Variants in PTPRD observed in about 807,000 individuals in gnomAD.
PTPRD encodes the protein receptor-type tyrosine-protein phosphatase delta.
In PTPRD, 34 loss-of-function variants were observed where a neutral mutation model predicts 214.5. The observed-to-expected ratio is 0.16, with a 90% CI of 0.12 to 0.21. The LOEUF is 0.21. PTPRD is among the 10% of genes least tolerant of loss of function. The pLI is 1.00. For synonymous variants in PTPRD, 1,128 were observed against 845.7 expected (o/e 1.33, Z -5.79); for missense variants, 2,545 against 2,398.7 (o/e 1.06, Z -1.27).
intron 3 of PTPRD, among the ~76,000 whole-genome samples, chr9:10,125,668 G>C (rs1296929276): frequency 1.4e-5 from 2 of 145,558 alleles, no homozygotes; most frequent in African/African-American, 5.0e-5. Context: ...ATTTTTAGTA[G>C]AGACGGGGTT....
At chr9:9,759,640 C>A (rs1292579255) in intron 6 of PTPRD, among the ~76,000 whole-genome samples, 1 of 148,408 alleles carries the variant, frequency 6.7e-6, no homozygotes, top group Non-Finnish European at 1.5e-5. Context: ...TCACTGCAAC[C>A]TCTACCTCCC....
rs73427536 is a variant in PTPRD, at chr9:8,703,668, G to T, written c.64+30112C>A. 1.9e-3 allele frequency among the ~76,000 whole-genome samples: 296 copies of T among 152,136 alleles called. 1 individual carries two copies. The highest frequency in any genetic ancestry group is 6.8e-3 in the African/African-American group (283 of 41,500). On this transcript the variant is annotated intron_variant, in intron 12 of 45. Coordinates refer to ENST00000381196, the MANE Select transcript of PTPRD (RefSeq NM_002839.4). ...TATTAACTGGGGAACCCAAAGCTTG[G>T]GTCTTGAACCCTACGGCATTGTTAT... is the stretch of plus-strand genomic sequence containing the variant.
At chr9:9,637,958 G>T (rs1469857020) in intron 7 of PTPRD, among the ~76,000 whole-genome samples, 3 of 152,128 alleles carry the variant, frequency 2.0e-5, no homozygotes, top group African/African-American at 7.2e-5. Flanking sequence ...CATCACCAAG[G>T]TTACAGCTCA....
At chr9:8,808,908 C>A (rs2096743653) in intron 11 of PTPRD, among the ~76,000 whole-genome samples, 1 of 152,126 alleles carries the variant, frequency 6.6e-6, no homozygotes, top group Admixed American at 6.5e-5. Context: ...GAAGCATGAA[C>A]AGTGTTTACA....
At chr9:9,997,073 C>A (rs916876394) in intron 4 of PTPRD, among the ~76,000 whole-genome samples, 1 of 152,036 alleles carries the variant, frequency 6.6e-6, no homozygotes, top group African/African-American at 2.4e-5. Context: ...AATCCAAGAC[C>A]TAAAGAAAAC....
At chr9:10,601,205 AGTAAG>A (rs2077878709) in intron 2 of PTPRD, among the ~76,000 whole-genome samples, 1 of 151,654 alleles carries the variant, frequency 6.6e-6, no homozygotes, top group Non-Finnish European at 1.5e-5. Context: ...GAATAGAGTA[AGTAAG>A]GTAGAGTCAG....
intron 10 of PTPRD, among the ~76,000 whole-genome samples, chr9:9,077,476 C>T (rs1284770966): frequency 6.6e-6 from 1 of 151,918 alleles, no homozygotes; most frequent in Non-Finnish European, 1.5e-5. Context: ...TAAACAAAGT[C>T]AATATAAGAT....
At chr9:8,775,073 G>C (rs1303956282) in intron 11 of PTPRD, among the ~76,000 whole-genome samples, 2 of 152,104 alleles carry the variant, frequency 1.3e-5, no homozygotes, top group Non-Finnish European at 2.9e-5. Flanking sequence ...TATGTCCAGT[G>C]ATGCCTTAAG....
At chr9:9,361,871 ACTT>A (rs1023779624) in intron 9 of PTPRD, among the ~76,000 whole-genome samples, 3 of 151,014 alleles carry the variant, frequency 2.0e-5, no homozygotes, top group African/African-American at 7.3e-5. Context: ...GAATGAGAAA[ACTT>A]CTAGAAATGG....
At chr9:8,380,118 T>G (rs1487287841) in intron 37 of PTPRD, among the ~76,000 whole-genome samples, 4 of 152,010 alleles carry the variant, frequency 2.6e-5, no homozygotes, top group Non-Finnish European at 4.4e-5. Flanking sequence ...ATTACCTAAA[T>G]CAGTCTAAAT....
At chr9:10,504,095 C>A (rs1444466744) in intron 2 of PTPRD, among the ~76,000 whole-genome samples, 2 of 66,854 alleles carry the variant, frequency 3.0e-5, no homozygotes, top group Non-Finnish European at 5.5e-5. Context: ...CAGCATGGGG[C>A]ACAGAGCGAG....
rs990263048 is a variant in PTPRD at position 8,843,741 on chromosome 9, T to C, written c.-103-109795A>G. Among the ~76,000 whole-genome samples, 7 of 152,288 alleles carry C rather than the reference T, an allele frequency of 4.6e-5. No homozygotes were observed. The East Asian group carries it at 9.7e-4, about 21-fold the overall frequency. ...TCATCAAGGCAGATACTGTCTACTATGGGATCTTCCTCCCTCAAAGAGCAA... is the reference window on the plus strand; with the variant it reads ...TCATCAAGGCAGATACTGTCTACTACGGGATCTTCCTCCCTCAAAGAGCAA... On this transcript the variant is annotated intron_variant, in intron 11 of 45. Coordinates refer to ENST00000381196, the MANE Select transcript of PTPRD (RefSeq NM_002839.4).
intron 12 of PTPRD, among the ~76,000 whole-genome samples, chr9:8,720,522 A>G (rs1215659697): frequency 1.3e-5 from 2 of 152,238 alleles, no homozygotes; most frequent in Non-Finnish European, 2.9e-5. Flanking sequence ...TGATGAGTAA[A>G]AAGTGACAAC....
At chr9:9,318,571 T>A (rs546319172) in intron 9 of PTPRD, among the ~76,000 whole-genome samples, 1 of 152,172 alleles carries the variant, frequency 6.6e-6, no homozygotes, top group Non-Finnish European at 1.5e-5. Context: ...TAGAAAACAC[T>A]AGATTTTAAT....
chr9:8,974,362 A>T (rs2154335302), intron 11 of PTPRD, among the ~76,000 whole-genome samples: 1 of 152,124 alleles, frequency 6.6e-6, no homozygotes, highest in South Asian at 2.1e-4. Flanking sequence ...TTACAGTTCT[A>T]CTAGTGTACC....
At chr9:8,998,334 T>C (rs2099404902) in intron 11 of PTPRD, among the ~76,000 whole-genome samples, 1 of 152,004 alleles carries the variant, frequency 6.6e-6, no homozygotes, top group African/African-American at 2.4e-5. Context: ...ACAATACTCA[T>C]TTACCATTCC....
intron 11 of PTPRD, among the ~76,000 whole-genome samples, chr9:8,929,943 G>GTGTATATATATA (rs1308962141): frequency 5.5e-4 from 76 of 137,970 alleles, no homozygotes; most frequent in Middle Eastern, 4.1e-3. Context: ...ATATATATAT[G>GTGTATATATATA]TGTGTGTGTG....
At chr9:10,355,035 T>C (rs2097251566) in intron 2 of PTPRD, among the ~76,000 whole-genome samples, 1 of 152,220 alleles carries the variant, frequency 6.6e-6, no homozygotes, top group Admixed American at 6.5e-5. Context: ...AAATAAATTA[T>C]TCAGAAAATA....
chr9:8,613,693 G>T (rs1403488146), intron 14 of PTPRD, among the ~76,000 whole-genome samples: 1 of 152,022 alleles, frequency 6.6e-6, no homozygotes, highest in Non-Finnish European at 1.5e-5. Context: ...CCAAAAATCT[G>T]CCACTCGCTG....
Sources: gnomAD v4.1 joint callset for allele counts (sites outside exome capture counted in the v4.1 genomes callset) on GRCh38, gnomAD v4.1.1 for gene constraint, MANE v1.5 for transcripts, NCBI Gene and HGNC (gene_info 2026-07-23, HGNC 2026-07-21) for gene names.